KCNMA1: variants seen among roughly 807,000 people sequenced by gnomAD.
KCNMA1 encodes the protein potassium calcium-activated channel subfamily M alpha 1.
KCNMA1 carries 29 observed loss-of-function variants against 140.0 expected under a neutral mutation model. That is an observed-to-expected ratio of 0.21 (90% CI 0.15 to 0.28). The LOEUF (loss-of-function observed/expected upper bound fraction) is 0.28. KCNMA1 is among the 10% of genes least tolerant of loss of function. The probability of loss-of-function intolerance (pLI) is 1.00; values close to 1 mark genes in which losing one functional copy is unlikely to be tolerated. For missense variants in KCNMA1, 880 were observed against 1,602.2 expected, an observed-to-expected ratio of 0.55 and a Z score of 7.70; for synonymous variants, 612 against 611.9, an observed-to-expected ratio of 1.00 and a Z score of 0.00.
At chr10:76,952,228 T>G (rs1354379227) in intron 21 of KCNMA1, 1 of 1,501,162 alleles carries the variant, frequency 6.7e-7, no homozygotes, top group Non-Finnish European at 9.0e-7. Flanking sequence ...TACATCAGAA[T>G]GTACATATAT....
chr10:76,959,476 C>T (rs2069996201), intron 20 of KCNMA1, among the ~76,000 whole-genome samples: 1 of 152,210 alleles, frequency 6.6e-6, no homozygotes, highest in East Asian at 1.9e-4. Context: ...TAATCATTAG[C>T]ATTATTCAAT....
chr10:77,232,731 C>T (rs1052754562), intron 3 of KCNMA1, among the ~76,000 whole-genome samples: 2 of 152,116 alleles, frequency 1.3e-5, no homozygotes, highest in Non-Finnish European at 2.9e-5. Flanking sequence ...GAATTCATGG[C>T]TAAATCCAAT....
intron 15 of KCNMA1, among the ~76,000 whole-genome samples, chr10:77,031,109 A>T (rs2093906853): frequency 6.6e-6 from 1 of 152,240 alleles, no homozygotes; most frequent in Non-Finnish European, 1.5e-5. Flanking sequence ...CAAAAGTGGA[A>T]ATCGAGTCTT....
chr10:77,331,686 A>T (rs1018395412), intron 2 of KCNMA1, among the ~76,000 whole-genome samples: 4 of 150,924 alleles, frequency 2.7e-5, no homozygotes, highest in African/African-American at 9.7e-5. Flanking sequence ...ATGGTGGTGC[A>T]TGCCTGTGGT....
chr10:77,042,689 G>A (rs570343478), intron 14 of KCNMA1, among the ~76,000 whole-genome samples: 1 of 151,996 alleles, frequency 6.6e-6, no homozygotes, highest in Admixed American at 6.6e-5. Flanking sequence ...TTTAGTTTTG[G>A]TCAGAATTTT....
chr10:77,080,489 C>A (rs2153736089), intron 12 of KCNMA1, among the ~76,000 whole-genome samples: 1 of 152,308 alleles, frequency 6.6e-6, no homozygotes, highest in Admixed American at 6.5e-5. Context: ...CCAGGGCTAT[C>A]CTGAGGGGTT....
At chr10:77,127,286 C>T (rs2097763488) in intron 5 of KCNMA1, among the ~76,000 whole-genome samples, 1 of 151,834 alleles carries the variant, frequency 6.6e-6, no homozygotes, top group Non-Finnish European at 1.5e-5. Flanking sequence ...AAGAAAATAG[C>T]TAAGGAGACA....
At chr10:77,010,692 C>T (rs2090492717) in intron 18 of KCNMA1, among the ~76,000 whole-genome samples, 1 of 151,936 alleles carries the variant, frequency 6.6e-6, no homozygotes. Flanking sequence ...TACCCTCCAG[C>T]AGAGTGATAT....
intron 3 of KCNMA1, among the ~76,000 whole-genome samples, chr10:77,206,602 C>T (rs570741442): frequency 2.6e-4 from 39 of 152,138 alleles, no homozygotes; most frequent in Non-Finnish European, 5.1e-4. Flanking sequence ...TCTAACCATA[C>T]TCATCTTCTT....
At chr10:77,498,256 A>C (rs2042635149) in intron 1 of KCNMA1, among the ~76,000 whole-genome samples, 1 of 152,196 alleles carries the variant, frequency 6.6e-6, no homozygotes, top group Admixed American at 6.5e-5. Flanking sequence ...AGGTGAGCCA[A>C]GTATCAGGCA....
intron 3 of KCNMA1, among the ~76,000 whole-genome samples, chr10:77,223,838 G>T (rs987481059): frequency 6.6e-6 from 1 of 152,080 alleles, no homozygotes; most frequent in African/African-American, 2.4e-5. Flanking sequence ...GTTCACGCAA[G>T]GAATCAAACA....
chr10:76,987,957 G>A (rs962597967), intron 19 of KCNMA1, among the ~76,000 whole-genome samples: 1 of 152,174 alleles, frequency 6.6e-6, no homozygotes, highest in Non-Finnish European at 1.5e-5. Context: ...GGTGGCAAGA[G>A]GAACTAATTG....
intron 23 of KCNMA1, among the ~76,000 whole-genome samples, chr10:76,919,568 C>T (rs933432666): frequency 1.3e-5 from 2 of 152,058 alleles, no homozygotes; most frequent in African/African-American, 4.8e-5. Context: ...CTACAAAATG[C>T]CCAGCACATA....
chr10:77,620,006 G>T (rs1319660852), intron 1 of KCNMA1, among the ~76,000 whole-genome samples: 1 of 152,138 alleles, frequency 6.6e-6, no homozygotes, highest in South Asian at 2.1e-4. Context: ...GGTCATCTCC[G>T]CTTTTCCCAG....
intron 2 of KCNMA1, among the ~76,000 whole-genome samples, chr10:77,279,792 T>G (rs2067854898): frequency 6.6e-6 from 1 of 152,148 alleles, no homozygotes; most frequent in South Asian, 2.1e-4. Flanking sequence ...ATAAGTCTCA[T>G]GAGATCTGAT....
At chr10:77,007,773 G>A (rs907329127) in intron 18 of KCNMA1, among the ~76,000 whole-genome samples, 2 of 151,078 alleles carry the variant, frequency 1.3e-5, no homozygotes, top group Admixed American at 6.6e-5. Context: ...ATTTATCAAA[G>A]GCAAGCATGA....
At chr10:77,448,040 T>C (rs1307184247) in intron 1 of KCNMA1, among the ~76,000 whole-genome samples, 3 of 152,220 alleles carry the variant, frequency 2.0e-5, no homozygotes, top group African/African-American at 4.8e-5. Flanking sequence ...TGAATGCCCA[T>C]CCAAGCTGGG....
At chr10:77,062,986 A>G (rs2095810276) in intron 14 of KCNMA1, among the ~76,000 whole-genome samples, 1 of 152,204 alleles carries the variant, frequency 6.6e-6, no homozygotes, top group South Asian at 2.1e-4. Context: ...CCAAAGAGCT[A>G]TGGTGATGGG....
chr10:76,917,580 T>C (rs2053498103), intron 23 of KCNMA1, among the ~76,000 whole-genome samples: 1 of 152,136 alleles, frequency 6.6e-6, no homozygotes, highest in Non-Finnish European at 1.5e-5. Context: ...CAGGCCTGGT[T>C]CCATTAGCAT....
Sources: gnomAD v4.1 joint callset for allele counts (sites outside exome capture counted in the v4.1 genomes callset) on GRCh38, gnomAD v4.1.1 for gene constraint, MANE v1.5 for transcripts, NCBI Gene and HGNC (gene_info 2026-07-23, HGNC 2026-07-21) for gene names.